The following USH2A variants were observed in gnomAD, a reference collection of about 807,000 sequenced individuals.
The protein encoded by USH2A is usherin, also known as Usher syndrome 2A (autosomal recessive, mild).
Under a neutral mutation model 538.9 loss-of-function variants are expected in USH2A, and 443 were observed. That is an observed-to-expected ratio of 0.82 (90% CI 0.76 to 0.89). USH2A has a LOEUF of 0.89. Among genes scored for constraint, USH2A ranks in the 40% least tolerant of loss-of-function variants. The pLI, the probability that USH2A is intolerant of heterozygous loss-of-function variation, is 0.00. For missense variants in USH2A, 6,633 were observed against 6,324.8 expected (o/e 1.05, Z -1.65); for synonymous variants, 2,413 against 2,273.5 (o/e 1.06, Z -1.75).
intron 61 of USH2A, among the ~76,000 whole-genome samples, chr1:215,702,136 G>A (rs1343681887): frequency 6.6e-6 from 1 of 152,164 alleles, no homozygotes; most frequent in African/African-American, 2.4e-5. Flanking sequence ...TAAGAATGTT[G>A]AATATTGGCC....
intron 55 of USH2A, among the ~76,000 whole-genome samples, chr1:215,769,870 C>T (rs769033202): frequency 1.3e-5 from 2 of 152,104 alleles, no homozygotes; most frequent in Non-Finnish European, 2.9e-5. Flanking sequence ...GAGTGGGAGA[C>T]ATGTCTGCAA....
In USH2A at chr1:215,817,084, C is replaced by T; in HGVS notation, c.9483G>A (p.Gln3161=). ...CCTTGCAGAGCTCATCACTCTGATC[C>T]TGCACTAACTTTTGAGTTTTAGCGC... ...YPCAKTQKLV[Q]DQSDELCKAV... is the part of the protein sequence containing the mutation. The change falls in exon 48 of 72, where the codon CAG becomes CAA. Residue 3161 remains glutamine, a synonymous_variant. Coordinates refer to ENST00000307340, the MANE Select transcript of USH2A (RefSeq NM_206933.4). 6.2e-7 allele frequency: 1 copy of T among 1,612,892 alleles called. No individual in the cohort carries two copies. Among genetic ancestry groups the T allele is most frequent in the South Asian group, 1.1e-5 (1 of 91,062 alleles).
At position 216,072,216 on chromosome 1, in the gene USH2A, T is replaced by C. The variant is rs572404169; in HGVS notation, c.5857+673A>G. 8.5e-5 allele frequency among the ~76,000 whole-genome samples: 13 copies of C among 152,316 alleles called. No homozygotes were observed. The South Asian group carries it at 2.7e-3, about 32-fold the overall frequency. On this transcript the variant is annotated intron_variant, in intron 29 of 71. Coordinates refer to ENST00000307340, the MANE Select transcript of USH2A (RefSeq NM_206933.4). ...GTAGAATGTCACTGATTCACAAAAC[T>C]CTTTGTGCTGAATGCCTTCCTGTGG...
chr1:216,372,635 G>A (rs1227627224), intron 3 of USH2A, among the ~76,000 whole-genome samples: 1 of 151,780 alleles, frequency 6.6e-6, no homozygotes, highest in Admixed American at 6.6e-5. Context: ...TACACATTTA[G>A]ATTACTCTCT....
chr1:215,848,322 C>T (rs1292074552), intron 44 of USH2A, among the ~76,000 whole-genome samples: 2 of 152,124 alleles, frequency 1.3e-5, no homozygotes, highest in Non-Finnish European at 2.9e-5. Context: ...TAAAGTCAAG[C>T]CCTAAAGATA....
intron 58 of USH2A, among the ~76,000 whole-genome samples, chr1:215,753,118 C>T (rs1046987684): frequency 1.5e-4 from 23 of 152,270 alleles, no homozygotes; most frequent in Non-Finnish European, 3.1e-4. Flanking sequence ...GAGATACCAT[C>T]TCACACCAGT....
chr1:216,231,846 C>CCGGG (rs1053537756), intron 14 of USH2A, 107 bp downstream of exon 14: 14 of 1,403,790 alleles, frequency 1.0e-5, no homozygotes, highest in Non-Finnish European at 1.4e-5. Context: ...AGCCACCAAG[C>CCGGG]CGGGCAAAAA....
intron 35 of USH2A, among the ~76,000 whole-genome samples, chr1:215,972,270 A>AG: frequency 6.6e-6 from 1 of 152,322 alleles, no homozygotes; most frequent in East Asian, 1.9e-4. Flanking sequence ...CTGTGTCAGC[A>AG]GGGGACAAAG....
intron 67 of USH2A, among the ~76,000 whole-genome samples, chr1:215,641,872 A>C (rs1377177356): frequency 6.6e-6 from 1 of 152,244 alleles, no homozygotes; most frequent in Non-Finnish European, 1.5e-5. Flanking sequence ...AGCCATAAGA[A>C]AAATTTTCTG....
At chr1:216,041,275 T>C (rs1423053109) in intron 32 of USH2A, among the ~76,000 whole-genome samples, 1 of 152,052 alleles carries the variant, frequency 6.6e-6, no homozygotes, top group African/African-American at 2.4e-5. Flanking sequence ...TACTAGCTTA[T>C]GGCCTATGCA....
chr1:215,953,329 C>T (rs547583473), intron 37 of USH2A, among the ~76,000 whole-genome samples: 79 of 152,320 alleles, frequency 5.2e-4, no homozygotes, highest in Admixed American at 1.4e-3. Context: ...TACAAGGCTA[C>T]AGTAACCAAA....
At chr1:215,804,834 C>A (rs140070544) in intron 49 of USH2A, among the ~76,000 whole-genome samples, 7,116 of 152,128 alleles carry the variant, frequency 0.047, 268 homozygotes, top group South Asian at 0.14. Flanking sequence ...CACATGCACA[C>A]GTATGTTTAT....
intron 38 of USH2A, among the ~76,000 whole-genome samples, chr1:215,924,318 T>C (rs1173291594): frequency 2.0e-5 from 3 of 152,066 alleles, no homozygotes; most frequent in Admixed American, 6.6e-5. Flanking sequence ...TATGCCTTTA[T>C]AGAGATAGAA....
chr1:215,891,825 C>A, intron 40 of USH2A, among the ~76,000 whole-genome samples: 1 of 152,080 alleles, frequency 6.6e-6, no homozygotes, highest in Non-Finnish European at 1.5e-5. Flanking sequence ...GCACACAGCT[C>A]AGCTGGCCGG....
At chr1:216,089,202 TA>T in intron 22 of USH2A, 63 bp from the exon 23 acceptor site, 1 of 1,541,042 alleles carries the variant, frequency 6.5e-7, no homozygotes, top group South Asian at 1.1e-5. Context: ...AACACACACA[TA>T]TTTGTTATAA....
intron 61 of USH2A, among the ~76,000 whole-genome samples, chr1:215,711,609 C>T (rs183262031): frequency 6.6e-6 from 1 of 152,112 alleles, no homozygotes; most frequent in East Asian, 1.9e-4. Flanking sequence ...TCTGGGGGGT[C>T]TCTCCTTATG....
chr1:215,829,275 A>G (rs1038385520), intron 47 of USH2A, among the ~76,000 whole-genome samples: 1 of 152,204 alleles, frequency 6.6e-6, no homozygotes, highest in African/African-American at 2.4e-5. Context: ...TATATATAAG[A>G]GGAAAAACAT....
chr1:215,924,626 A>C (rs1666189896), intron 38 of USH2A, among the ~76,000 whole-genome samples: 4 of 151,962 alleles, frequency 2.6e-5, no homozygotes, highest in African/African-American at 9.7e-5. Flanking sequence ...TTTAAGCTTA[A>C]AGTTATGGAT....
At chr1:215,908,018 G>A (rs1214371304) in intron 38 of USH2A, among the ~76,000 whole-genome samples, 1 of 152,020 alleles carries the variant, frequency 6.6e-6, no homozygotes, top group Non-Finnish European at 1.5e-5. Flanking sequence ...ACATAAGTGA[G>A]ATTAATTGCT....
Sources: allele counts gnomAD v4.1 joint callset (sites outside exome capture counted in the v4.1 genomes callset), GRCh38; gene constraint gnomAD v4.1.1; transcripts MANE v1.5; gene names NCBI Gene and HGNC (gene_info 2026-07-23, HGNC 2026-07-21).